The following TSPAN14 variants were observed in gnomAD, a reference collection of about 807,000 sequenced individuals.
TSPAN14 encodes the protein tetraspanin-14.
A neutral mutation model predicts 36.6 loss-of-function variants in TSPAN14; 16 were observed. The ratio of observed to expected loss-of-function variants is 0.44; its 90% confidence interval spans 0.30 to 0.66. The LOEUF (loss-of-function observed/expected upper bound fraction) is 0.66. Among genes scored for constraint, TSPAN14 ranks in the 30% least tolerant of loss-of-function variants. The probability of loss-of-function intolerance (pLI) is 0.12; values close to 1 mark genes in which losing one functional copy is unlikely to be tolerated. For synonymous variants in TSPAN14, 139 were observed against 143.8 expected (o/e 0.97, Z 0.24); for missense variants, 231 against 355.1 (o/e 0.65, Z 2.81).
intron 2 of TSPAN14, among the ~76,000 whole-genome samples, chr10:80,496,561 A>T (rs1357151893): frequency 6.6e-6 from 1 of 152,130 alleles, no homozygotes; most frequent in Non-Finnish European, 1.5e-5. Context: ...TTTAGCCATT[A>T]TGTTTTCAAA....
intron 1 of TSPAN14, among the ~76,000 whole-genome samples, chr10:80,480,860 G>A (rs1250912679): frequency 1.3e-5 from 2 of 152,084 alleles, no homozygotes; most frequent in African/African-American, 4.8e-5. Context: ...CAGCACACCA[G>A]CATGGCACAT....
In TSPAN14 at chr10:80,504,971, A is replaced by G. The variant is rs555874684; in HGVS notation, c.132+193A>G. Among the ~76,000 whole-genome samples, 47 of 152,304 alleles carry G rather than the reference A, an allele frequency of 3.1e-4. No individual in the cohort carries two copies. The South Asian group carries it at 8.7e-3, about 28-fold the overall frequency. On this transcript the variant is annotated intron_variant, in intron 3 of 8. Coordinates refer to ENST00000429989, the Ensembl canonical transcript of TSPAN14. ...CATGATAGTATTGGCTGCTGGAGGTATGGGCTGGGCTGGTTGGGTTTTGAG... is the reference window on the plus strand; with the variant it reads ...CATGATAGTATTGGCTGCTGGAGGTGTGGGCTGGGCTGGTTGGGTTTTGAG...
At chr10:80,477,098 A>T (rs1180172024) in intron 1 of TSPAN14, among the ~76,000 whole-genome samples, 1 of 152,236 alleles carries the variant, frequency 6.6e-6, no homozygotes, top group Non-Finnish European at 1.5e-5. Flanking sequence ...CCCTGTACTC[A>T]GATCCAGCAA....
chr10:80,492,880 T>G (rs1212657009), intron 2 of TSPAN14, among the ~76,000 whole-genome samples: 2 of 152,158 alleles, frequency 1.3e-5, no homozygotes, highest in Non-Finnish European at 2.9e-5. Context: ...TGGTACCTAA[T>G]AGATTTTTTT....
chr10:80,492,825 AAAG>A (rs2132019721), intron 2 of TSPAN14, among the ~76,000 whole-genome samples: 1 of 152,314 alleles, frequency 6.6e-6, no homozygotes, highest in African/African-American at 2.4e-5. Flanking sequence ...CAAAAAAAAA[AAAG>A]ACTTATTTTC....
intron 2 of TSPAN14, 135 bp downstream of exon 2, chr10:80,489,449 A>T: frequency 1.5e-6 from 1 of 685,082 alleles, no homozygotes; most frequent in Non-Finnish European, 2.6e-6. Context: ...AGTGACCCCT[A>T]CCCTCACAGA....
intron 8 of TSPAN14, among the ~76,000 whole-genome samples, 183 bp from the exon 9 acceptor site, chr10:80,517,722 C>CT (rs34998776): frequency 6.6e-6 from 1 of 152,134 alleles, no homozygotes; most frequent in Non-Finnish European, 1.5e-5. Context: ...CCCAGGACCC[C>CT]TTTTTTGCGG....
exon 9 of TSPAN14, chr10:80,520,723 A>G (rs758383762): frequency 1.9e-6 from 1 of 533,298 alleles, no homozygotes; most frequent in Non-Finnish European, 3.8e-6. Context: ...GCAGCTTCTT[A>G]TCTGGGCTGT....
intron 4 of TSPAN14, among the ~76,000 whole-genome samples, chr10:80,507,884 C>T (rs1840379266): frequency 6.6e-6 from 1 of 151,986 alleles, no homozygotes; most frequent in Admixed American, 6.6e-5. Flanking sequence ...TAAATAACAC[C>T]TGGTGGGGAA....
chr10:80,464,922 C>G (rs1237479880), intron 1 of TSPAN14, among the ~76,000 whole-genome samples: 2 of 152,116 alleles, frequency 1.3e-5, no homozygotes, highest in Admixed American at 1.3e-4. Context: ...GTCAGTGCAA[C>G]TATTGTTGCT....
At chr10:80,476,550 G>A (rs754652500) in intron 1 of TSPAN14, among the ~76,000 whole-genome samples, 17 of 151,412 alleles carry the variant, frequency 1.1e-4, no homozygotes, top group Non-Finnish European at 1.9e-4. Flanking sequence ...CGAGTAGCTG[G>A]GAATACAGGC....
chr10:80,475,932 G>C (rs1846851973), intron 1 of TSPAN14, among the ~76,000 whole-genome samples: 1 of 152,124 alleles, frequency 6.6e-6, no homozygotes. Flanking sequence ...AAGGGGGTTT[G>C]GTTCCAGGAC....
At chr10:80,468,294 CGA>C (rs1399851166) in intron 1 of TSPAN14, among the ~76,000 whole-genome samples, 24 of 152,028 alleles carry the variant, frequency 1.6e-4, no homozygotes, top group African/African-American at 5.6e-4. Context: ...TCTGCCGGCA[CGA>C]ACACAGGAGG....
intron 2 of TSPAN14, among the ~76,000 whole-genome samples, chr10:80,490,492 G>A (rs1287101745): frequency 6.6e-6 from 1 of 152,186 alleles, no homozygotes; most frequent in African/African-American, 2.4e-5. Flanking sequence ...TATTGTAGAA[G>A]CCTTTAAAGT....
chr10:80,477,071 T>C (rs1466860046), intron 1 of TSPAN14, among the ~76,000 whole-genome samples: 1 of 152,244 alleles, frequency 6.6e-6, no homozygotes, highest in Admixed American at 6.5e-5. Context: ...AGTCCCTCAC[T>C]GGTCCTCGCA....
At chr10:80,458,798 AT>A (rs1294474885) in intron 1 of TSPAN14, among the ~76,000 whole-genome samples, 3 of 152,078 alleles carry the variant, frequency 2.0e-5, no homozygotes, top group African/African-American at 7.2e-5. Flanking sequence ...GCAAGTAGCC[AT>A]TTTGGTGGAG....
At chr10:80,474,897 G>C (rs1846769997) in intron 1 of TSPAN14, among the ~76,000 whole-genome samples, 2 of 152,118 alleles carry the variant, frequency 1.3e-5, no homozygotes, top group Admixed American at 1.3e-4. Context: ...TCTTGTCTCA[G>C]AGCTTCCCAA....
chr10:80,507,762 T>C (rs1374767274), intron 4 of TSPAN14, among the ~76,000 whole-genome samples: 1 of 152,252 alleles, frequency 6.6e-6, no homozygotes, highest in South Asian at 2.1e-4. Context: ...TCCAAGGATG[T>C]GTGAGTCTGT....
intron 3 of TSPAN14, among the ~76,000 whole-genome samples, chr10:80,506,581 C>G (rs1315108775): frequency 6.6e-6 from 1 of 152,200 alleles, no homozygotes; most frequent in Admixed American, 6.5e-5. Context: ...TTTACAAACC[C>G]TATGGAACTG....
Sources: allele counts gnomAD v4.1 joint callset (sites outside exome capture counted in the v4.1 genomes callset), GRCh38; gene constraint gnomAD v4.1.1; transcripts MANE v1.5; gene names NCBI Gene and HGNC (gene_info 2026-07-23, HGNC 2026-07-21).